The following ROBO2 variants were observed in gnomAD, a reference collection of about 807,000 sequenced individuals.
ROBO2 encodes the protein roundabout guidance receptor 2.
A neutral mutation model predicts 160.8 loss-of-function variants in ROBO2; 53 were observed. The ratio of observed to expected loss-of-function variants is 0.33; its 90% confidence interval spans 0.26 to 0.41. The LOEUF is 0.41. Ranked by LOEUF, ROBO2 falls within the 10% of genes least tolerant of loss-of-function variation. The probability of loss-of-function intolerance (pLI) is 1.00; values close to 1 mark genes in which losing one functional copy is unlikely to be tolerated. For missense variants in ROBO2, 1,577 were observed against 1,722.4 expected (o/e 0.92, Z 1.49); for synonymous variants, 664 against 611.7 (o/e 1.09, Z -1.26).
intron 2 of ROBO2, among the ~76,000 whole-genome samples, chr3:76,362,589 A>G (rs564692803): frequency 6.6e-6 from 1 of 152,238 alleles, no homozygotes; most frequent in Admixed American, 6.5e-5. Context: ...TTCAATCTCT[A>G]TTAATTCATG....
chr3:76,208,115 G>C (rs1481176224), intron 2 of ROBO2, among the ~76,000 whole-genome samples: 2 of 152,136 alleles, frequency 1.3e-5, no homozygotes, highest in African/African-American at 4.8e-5. Flanking sequence ...TTTCCCAGAA[G>C]CCGAGCAGAT....
intron 23 of ROBO2, 56 bp downstream of exon 24, chr3:77,622,488 C>T (rs1371038706): frequency 1.5e-6 from 2 of 1,378,646 alleles, no homozygotes; most frequent in African/African-American, 1.4e-5. Flanking sequence ...TAAAATGCAT[C>T]AAAAGTCAAC....
intron 2 of ROBO2, among the ~76,000 whole-genome samples, chr3:76,262,933 A>G (rs1706858524): frequency 6.6e-6 from 1 of 152,132 alleles, no homozygotes; most frequent in Admixed American, 6.6e-5. Context: ...TTTTTATATA[A>G]AATCTCTTGG....
chr3:77,286,749 A>C (rs992221136), intron 2 of ROBO2, among the ~76,000 whole-genome samples: 7 of 152,156 alleles, frequency 4.6e-5, no homozygotes, highest in African/African-American at 1.7e-4. Context: ...TCACAGAACT[A>C]TATTGAATAA....
chr3:77,622,403 G>A, exon 23 of ROBO2: 1 of 1,614,086 alleles, frequency 6.2e-7, no homozygotes. Flanking sequence ...CCTGGATCCA[G>A]CATGGACAAT....
intron 2 of ROBO2, among the ~76,000 whole-genome samples, chr3:77,477,135 G>A (rs1377076853): frequency 1.3e-5 from 2 of 151,868 alleles, no homozygotes; most frequent in South Asian, 4.1e-4. Flanking sequence ...TTAATTAATC[G>A]CAGAACTGTA....
At chr3:76,747,492 G>A (rs944049518) in intron 2 of ROBO2, among the ~76,000 whole-genome samples, 3 of 152,024 alleles carry the variant, frequency 2.0e-5, no homozygotes, top group South Asian at 2.1e-4. Flanking sequence ...GAGGAAATTA[G>A]CATTAATATC....
chr3:77,275,610 T>C (rs1336256069), intron 2 of ROBO2, among the ~76,000 whole-genome samples: 1 of 152,204 alleles, frequency 6.6e-6, no homozygotes, highest in Non-Finnish European at 1.5e-5. Flanking sequence ...AGGGTTTTTC[T>C]ACATTCTCTT....
chr3:76,889,499 C>A (rs1236903889), intron 2 of ROBO2, among the ~76,000 whole-genome samples: 1 of 152,054 alleles, frequency 6.6e-6, no homozygotes, highest in East Asian at 1.9e-4. Context: ...GTAAAGACTT[C>A]TAATATTTAA....
At chr3:77,100,623 G>T (rs2150095565) in intron 2 of ROBO2, among the ~76,000 whole-genome samples, 1 of 152,106 alleles carries the variant, frequency 6.6e-6, no homozygotes, top group East Asian at 1.9e-4. Flanking sequence ...TTTATTAATA[G>T]AAGGCGGATA....
At chr3:77,270,304 G>A (rs1302670731) in intron 2 of ROBO2, among the ~76,000 whole-genome samples, 1 of 152,118 alleles carries the variant, frequency 6.6e-6, no homozygotes, top group African/African-American at 2.4e-5. Flanking sequence ...TTGTAAGTAA[G>A]ACTCTGCCAC....
intron 2 of ROBO2, among the ~76,000 whole-genome samples, chr3:76,283,588 G>C (rs1218980861): frequency 6.6e-6 from 1 of 152,000 alleles, no homozygotes; most frequent in Admixed American, 6.6e-5. Context: ...GCTTTTAAAA[G>C]AGTGAATTTC....
intron 4 of ROBO2, among the ~76,000 whole-genome samples, chr3:77,486,105 A>G (rs980770464): frequency 6.6e-6 from 1 of 152,206 alleles, no homozygotes; most frequent in African/African-American, 2.4e-5. Context: ...TGCAAAGGAC[A>G]TGATCTGATT....
intron 2 of ROBO2, among the ~76,000 whole-genome samples, chr3:76,204,557 A>G (rs1051926427): frequency 6.6e-6 from 1 of 152,218 alleles, no homozygotes; most frequent in Non-Finnish European, 1.5e-5. Flanking sequence ...AGCTAATTCA[A>G]TAGCCACCTG....
At chr3:76,971,177 A>C (rs1025277989) in intron 2 of ROBO2, among the ~76,000 whole-genome samples, 4 of 152,166 alleles carry the variant, frequency 2.6e-5, no homozygotes, top group Non-Finnish European at 4.4e-5. Flanking sequence ...TATAAAGAAC[A>C]ACAAAAGCCC....
intron 2 of ROBO2, among the ~76,000 whole-genome samples, chr3:76,785,383 T>C (rs951654169): frequency 3.3e-5 from 5 of 151,204 alleles, no homozygotes; most frequent in African/African-American, 1.2e-4. Context: ...CTTGTTAAGG[T>C]GCTAGGAAAG....
chr3:77,581,815 T>C (rs1177427311), intron 16 of ROBO2, among the ~76,000 whole-genome samples: 1 of 152,200 alleles, frequency 6.6e-6, no homozygotes, highest in African/African-American at 2.4e-5. Flanking sequence ...TGATTTCTAT[T>C]TGCGCTCTTA....
At chr3:77,240,427 G>A (rs2088848818) in intron 2 of ROBO2, among the ~76,000 whole-genome samples, 1 of 152,174 alleles carries the variant, frequency 6.6e-6, no homozygotes, top group Admixed American at 6.5e-5. Context: ...GCTGGCCTGC[G>A]ATTGCCGCAC....
intron 2 of ROBO2, among the ~76,000 whole-genome samples, chr3:76,318,046 C>T (rs1302847888): frequency 3.3e-5 from 5 of 151,716 alleles, no homozygotes. Flanking sequence ...TATGCTTGTT[C>T]CCTTGTGATT....
Sources: allele counts gnomAD v4.1 joint callset (sites outside exome capture counted in the v4.1 genomes callset), GRCh38; gene constraint gnomAD v4.1.1; transcripts MANE v1.5; gene names NCBI Gene and HGNC (gene_info 2026-07-23, HGNC 2026-07-21).